The following MED27 variants were observed in gnomAD, a reference collection of about 807,000 sequenced individuals.
MED27 encodes mediator of RNA polymerase II transcription subunit 27.
A neutral mutation model predicts 38.2 loss-of-function variants in MED27; 30 were observed. The observed-to-expected ratio is 0.79, with a 90% confidence interval of 0.59 to 1.07. MED27 has a LOEUF of 1.07. Among genes scored for constraint, MED27 ranks in the 50% least tolerant of loss-of-function variants. The pLI is 0.00. For synonymous variants in MED27, 122 were observed against 153.5 expected (o/e 0.79, Z 1.52); for missense variants, 289 against 397.5 (o/e 0.73, Z 2.32).
intron 2 of MED27, among the ~76,000 whole-genome samples, chr9:132,057,175 A>G (rs1229979810): frequency 6.6e-6 from 1 of 152,154 alleles, no homozygotes; most frequent in Admixed American, 6.5e-5. Flanking sequence ...TAATCACAAG[A>G]GCCTAGACAA....
chr9:132,024,671 A>C (rs1356787618), intron 2 of MED27, among the ~76,000 whole-genome samples: 1 of 152,260 alleles, frequency 6.6e-6, no homozygotes, highest in Non-Finnish European at 1.5e-5. Context: ...CAACTGTGGA[A>C]GACAATCTAT....
intron 3 of MED27, among the ~76,000 whole-genome samples, chr9:131,994,544 C>T (rs1832050251): frequency 6.6e-6 from 1 of 152,234 alleles, no homozygotes. Context: ...TGGAGGACTG[C>T]AGACCTCTGC....
chr9:131,927,388 A>T (rs1177983429), intron 4 of MED27, among the ~76,000 whole-genome samples: 1 of 152,236 alleles, frequency 6.6e-6, no homozygotes, highest in Non-Finnish European at 1.5e-5. Flanking sequence ...AATCAGTCAC[A>T]AGTGTCATTC....
intron 3 of MED27, among the ~76,000 whole-genome samples, chr9:131,999,906 T>C (rs1832182735): frequency 6.6e-6 from 1 of 151,970 alleles, no homozygotes; most frequent in Non-Finnish European, 1.5e-5. Flanking sequence ...ACAACTACTG[T>C]TTCCTCTGAA....
In MED27 at chr9:132,044,994, C is replaced by T. The variant is rs184255369; in HGVS notation, c.349-30527G>A. ...ATATGGGAGGAAAAACAGATGTGAACGTCTCACAACTACTAAGTTTCAAAG... is the reference window on the plus strand; with the variant it reads ...ATATGGGAGGAAAAACAGATGTGAATGTCTCACAACTACTAAGTTTCAAAG... On this transcript the variant is annotated intron_variant, in intron 2 of 7. Coordinates refer to ENST00000292035, the MANE Select transcript of MED27 (RefSeq NM_004269.4). Among the ~76,000 whole-genome samples, 4 of 152,050 alleles carry T rather than the reference C, an allele frequency of 2.6e-5. No individual in the cohort carries two copies. In the East Asian group the frequency reaches 7.7e-4, roughly 29 times the overall value.
chr9:131,866,284 C>T (rs1838735002), intron 6 of MED27, among the ~76,000 whole-genome samples: 1 of 152,216 alleles, frequency 6.6e-6, no homozygotes, highest in African/African-American at 2.4e-5. Context: ...TCCAAGCATT[C>T]CAAGACAACT....
chr9:131,895,703 T>C (rs1365926225), intron 4 of MED27, among the ~76,000 whole-genome samples: 1 of 152,206 alleles, frequency 6.6e-6, no homozygotes, highest in African/African-American at 2.4e-5. Flanking sequence ...CTTTTAAATA[T>C]TGTCACACCA....
intron 2 of MED27, among the ~76,000 whole-genome samples, chr9:132,070,761 C>T (rs1488156831): frequency 1.3e-5 from 2 of 152,248 alleles, no homozygotes; most frequent in East Asian, 3.9e-4. Context: ...GGTTTGTCCC[C>T]AGGATCCTCG....
intron 4 of MED27, among the ~76,000 whole-genome samples, chr9:131,902,115 G>A (rs918927754): frequency 1.3e-5 from 2 of 152,200 alleles, no homozygotes; most frequent in African/African-American, 4.8e-5. Context: ...AAGCCTTGCC[G>A]ATCGAGACTC....
chr9:132,053,267 A>T lies in MED27; in HGVS notation c.348+24175T>A, dbSNP rs575503035. On this transcript the variant is annotated intron_variant, in intron 2 of 7. Transcript: ENST00000292035. ...GACTCCCGTCTCAAAAAAAAAAAAA[A>T]AAGAAAAAGAAAGGGCTGCTCAGAC... 8.4e-3 allele frequency among the ~76,000 whole-genome samples: 1,263 copies of T among 151,242 alleles called. 10 individuals carry two copies. The highest frequency in any genetic ancestry group is 0.011 in the Admixed American group (172 of 15,230).
At chr9:131,991,662 G>A (rs1589253559) in intron 3 of MED27, among the ~76,000 whole-genome samples, 1 of 152,112 alleles carries the variant, frequency 6.6e-6, no homozygotes, top group Admixed American at 6.5e-5. Context: ...TTCTTCGAAG[G>A]TTTAGGAAGG....
chr9:131,867,150 C>T (rs1036828092), intron 6 of MED27, among the ~76,000 whole-genome samples: 2 of 152,224 alleles, frequency 1.3e-5, no homozygotes, highest in Non-Finnish European at 2.9e-5. Flanking sequence ...TGCAGAGGTC[C>T]TCAGGTCATG....
At chr9:131,946,192 A>G (rs966579417) in intron 3 of MED27, among the ~76,000 whole-genome samples, 5 of 152,186 alleles carry the variant, frequency 3.3e-5, no homozygotes, top group African/African-American at 1.2e-4. Context: ...GCTATTGTGA[A>G]CAATATTGCA....
chr9:131,861,242 C>A lies in MED27; in HGVS notation c.802-570G>T, dbSNP rs1838646715. On this transcript the variant is annotated intron_variant, in intron 7 of 7. Coordinates refer to ENST00000292035, the MANE Select transcript of MED27 (RefSeq NM_004269.4). This position sits in a 1 kb window ranked among gnomAD's most constrained non-coding sequence, Gnocchi z 4.4. ...TGCCACCAAATAACATCATAAGCAGCAAATCCACACTTGAATGGTTCAGAG... is the reference window on the plus strand; with the variant it reads ...TGCCACCAAATAACATCATAAGCAGAAAATCCACACTTGAATGGTTCAGAG... Among the ~76,000 whole-genome samples, 1 of 152,114 alleles carries A rather than the reference C, an allele frequency of 6.6e-6. No individual in the cohort carries two copies. The highest frequency in any genetic ancestry group is 2.4e-5 in the African/African-American group (1 of 41,410).
chr9:131,927,070 A>G (rs551838600), intron 4 of MED27, among the ~76,000 whole-genome samples: 147 of 152,358 alleles, frequency 9.6e-4, no homozygotes, highest in African/African-American at 3.3e-3. Flanking sequence ...TAATAATGGG[A>G]TGTTAGGCGG....
intron 3 of MED27, among the ~76,000 whole-genome samples, chr9:131,974,506 T>C (rs72763605): frequency 0.12 from 18,940 of 152,200 alleles, 1,290 homozygotes; most frequent in South Asian, 0.18. Flanking sequence ...AGATAGTGTT[T>C]TCAGAGTGAG....
chr9:132,047,972 A>G (rs1442765753), intron 2 of MED27, among the ~76,000 whole-genome samples: 1 of 152,184 alleles, frequency 6.6e-6, no homozygotes, highest in Non-Finnish European at 1.5e-5. Flanking sequence ...AACACTAAGC[A>G]TGTGGGAGTT....
intron 3 of MED27, among the ~76,000 whole-genome samples, chr9:131,964,332 ATGGTGG>A (rs1831290239): frequency 1.5e-5 from 2 of 134,988 alleles, no homozygotes; most frequent in East Asian, 2.4e-4. Flanking sequence ...GGTGGAGGTG[ATGGTGG>A]TGGTGGTGGA....
intron 2 of MED27, among the ~76,000 whole-genome samples, chr9:132,037,188 C>T (rs1343523951): frequency 4.6e-5 from 7 of 152,162 alleles, no homozygotes; most frequent in Non-Finnish European, 8.8e-5. Flanking sequence ...CTCACAGACC[C>T]CTCCGTTTAT....
Sources: allele counts gnomAD v4.1 joint callset (sites outside exome capture counted in the v4.1 genomes callset), GRCh38; gene constraint gnomAD v4.1.1; non-coding constraint Gnocchi (gnomAD v3.1); transcripts MANE v1.5; gene names NCBI Gene and HGNC (gene_info 2026-07-23, HGNC 2026-07-21).